HS6ST2: variants seen among roughly 807,000 people sequenced by gnomAD.
HS6ST2 encodes the protein heparan sulfate 6-O-sulfotransferase 2.
A neutral mutation model predicts 33.0 loss-of-function variants in HS6ST2; 17 were observed. That is an observed-to-expected ratio of 0.52 (90% CI 0.35 to 0.77). HS6ST2 has a LOEUF of 0.77. Ranked by LOEUF, HS6ST2 falls within the 30% of genes least tolerant of loss-of-function variation. The pLI is 0.01. For synonymous variants in HS6ST2, 248 were observed against 237.1 expected (o/e 1.05, Z -0.42); for missense variants, 519 against 551.7 (o/e 0.94, Z 0.59).
intron 2 of HS6ST2, among the ~76,000 whole-genome samples, chrX:132,797,275 G>A (rs981853857): frequency 2.7e-5 from 3 of 111,675 alleles, no homozygotes; most frequent in East Asian, 2.8e-4. Flanking sequence ...GGGAAGATGC[G>A]AAGCTCAAAG....
chrX:132,948,468 G>C (rs1220950450), intron 2 of HS6ST2, among the ~76,000 whole-genome samples: 2 of 112,050 alleles, frequency 1.8e-5, no homozygotes, highest in African/African-American at 3.2e-5. Context: ...TTTTGAATCG[G>C]CGTGTGTGCC....
chrX:132,695,174 G>A (rs2064094117), intron 3 of HS6ST2, among the ~76,000 whole-genome samples: 1 of 111,583 alleles, frequency 9.0e-6, no homozygotes, highest in Admixed American at 9.5e-5. Flanking sequence ...CTTGACTGCA[G>A]CCAGCCTGGC....
At chrX:132,654,993 C>T (rs1355965822) in intron 4 of HS6ST2, among the ~76,000 whole-genome samples, 1 of 112,146 alleles carries the variant, frequency 8.9e-6, no homozygotes, top group Non-Finnish European at 1.9e-5. Context: ...TCTTACAAAG[C>T]ACATAGCTTT....
intron 2 of HS6ST2, among the ~76,000 whole-genome samples, chrX:132,773,123 ATAT>A (rs1166165814): frequency 1.0e-5 from 1 of 98,504 alleles, no homozygotes; most frequent in Admixed American, 1.2e-4. Flanking sequence ...AATATTAAAG[ATAT>A]TAATATATTA....
intron 2 of HS6ST2, among the ~76,000 whole-genome samples, chrX:132,860,820 C>T (rs2065905524): frequency 1.3e-5 from 1 of 74,397 alleles, no homozygotes; most frequent in South Asian, 1.0e-3. Context: ...TGGAGTCTTG[C>T]TGTGTCACCC....
chrX:132,927,221 T>C (rs1317140893), intron 2 of HS6ST2, among the ~76,000 whole-genome samples: 1 of 110,758 alleles, frequency 9.0e-6, no homozygotes, highest in Non-Finnish European at 1.9e-5. Context: ...CCTGAATCCA[T>C]TCACCTCTCT....
intron 2 of HS6ST2, among the ~76,000 whole-genome samples, chrX:132,741,727 C>T (rs1023236412): frequency 1.8e-5 from 2 of 111,333 alleles, no homozygotes; most frequent in Non-Finnish European, 3.8e-5. Flanking sequence ...TACCTCACTG[C>T]GTATAAGAGA....
In HS6ST2 at chrX:132,708,452, T is replaced by C; in HGVS notation, c.980+10A>G. ...GGGTTCAGTCAAACTAAAAATACAT[T>C]GTTACTTACCTTGCTGCATCTAGAA... On this transcript the variant is annotated intron_variant, in intron 3 of 4. Coordinates refer to ENST00000370833, the MANE Select transcript of HS6ST2 (RefSeq NM_001394073.1). The C allele has an allele frequency of 1.7e-6, 2 of 1,159,353 alleles. No homozygotes were observed. Among genetic ancestry groups the C allele is most frequent in the Non-Finnish European group, 2.3e-6 (2 of 866,619 alleles).
Position 132,888,963 on chromosome X carries a change from C to A in HS6ST2, c.947+67845G>T, listed in dbSNP as rs749250065. On this transcript the variant is annotated intron_variant, in intron 2 of 4. Coordinates refer to ENST00000370833, the MANE Select transcript of HS6ST2 (RefSeq NM_001394073.1). ...TCTCATTTGGTATTCACAAGCAATC[C>A]CCTAAGGTGAGGAGCAATCCCAATT... Among the ~76,000 whole-genome samples the A allele has an allele frequency of 6.3e-5, 7 of 110,690 alleles. No homozygotes were observed. The South Asian group carries it at 2.8e-3, about 43-fold the overall frequency.
chrX:132,924,097 A>T (rs1444838658), intron 2 of HS6ST2, among the ~76,000 whole-genome samples: 1 of 112,362 alleles, frequency 8.9e-6, no homozygotes, highest in African/African-American at 3.2e-5. Flanking sequence ...ACAAGCTACG[A>T]TACGTAACTT....
intron 2 of HS6ST2, among the ~76,000 whole-genome samples, chrX:132,730,727 G>T (rs1435136824): frequency 8.9e-6 from 1 of 112,231 alleles, no homozygotes; most frequent in Non-Finnish European, 1.9e-5. Context: ...GGGGTGAGCT[G>T]AAAATGCAGT....
chrX:132,671,254 G>A (rs2063874065), intron 3 of HS6ST2, among the ~76,000 whole-genome samples: 1 of 111,374 alleles, frequency 9.0e-6, no homozygotes, highest in Non-Finnish European at 1.9e-5. Flanking sequence ...CTTGCACCCT[G>A]GTCACTGGCC....
chrX:132,701,202 A>C (rs2064141940), intron 3 of HS6ST2, among the ~76,000 whole-genome samples: 1 of 111,836 alleles, frequency 8.9e-6, no homozygotes. Flanking sequence ...CTATTTTCTC[A>C]CCTGCAGAAA....
At chrX:132,794,557 A>G (rs1304642556) in intron 2 of HS6ST2, among the ~76,000 whole-genome samples, 1 of 94,430 alleles carries the variant, frequency 1.1e-5, no homozygotes, top group Non-Finnish European at 2.1e-5. Context: ...CCACTCCTGG[A>G]TGATGATGAT....
chrX:132,724,341 A>C (rs1041077621), intron 2 of HS6ST2, among the ~76,000 whole-genome samples: 11 of 112,244 alleles, frequency 9.8e-5, no homozygotes, highest in African/African-American at 3.6e-4. Flanking sequence ...TACAAAAATC[A>C]GTAGCATTTC....
intron 3 of HS6ST2, among the ~76,000 whole-genome samples, chrX:132,677,272 A>T (rs1262561560): frequency 8.9e-6 from 1 of 111,970 alleles, no homozygotes; most frequent in Non-Finnish European, 1.9e-5. Context: ...TGGAGGTGAG[A>T]TTCTGATTTT....
intron 2 of HS6ST2, among the ~76,000 whole-genome samples, chrX:132,942,285 A>T (rs1228144596): frequency 8.9e-6 from 1 of 112,275 alleles, no homozygotes; most frequent in Non-Finnish European, 1.9e-5. Flanking sequence ...GCATCAGCTT[A>T]AGTGGCCATC....
chrX:132,658,158 T>C (rs2063744594), intron 4 of HS6ST2, among the ~76,000 whole-genome samples: 1 of 111,252 alleles, frequency 9.0e-6, no homozygotes, highest in Non-Finnish European at 1.9e-5. Flanking sequence ...AATCCAGCCA[T>C]GCTGTGTCTG....
chrX:132,710,866 C>T (rs2064225777), intron 2 of HS6ST2, among the ~76,000 whole-genome samples: 1 of 111,517 alleles, frequency 9.0e-6, no homozygotes, highest in Admixed American at 9.6e-5. Context: ...TGTAGTCCCA[C>T]ATCCCAACAG....
Sources: allele counts gnomAD v4.1 joint callset (sites outside exome capture counted in the v4.1 genomes callset), GRCh38; gene constraint gnomAD v4.1.1; transcripts MANE v1.5; gene names NCBI Gene and HGNC (gene_info 2026-07-23, HGNC 2026-07-21).